The following CSMD1 variants were observed in gnomAD, a reference collection of about 807,000 sequenced individuals.
CSMD1 encodes CUB and Sushi multiple domains 1, also known as CUB and sushi domain-containing protein 1.
In CSMD1, 213 loss-of-function variants were observed where a neutral mutation model predicts 417.5. The ratio of observed to expected loss-of-function variants is 0.51; its 90% confidence interval spans 0.46 to 0.57. The LOEUF (loss-of-function observed/expected upper bound fraction) is 0.57, where lower values mean the gene tolerates loss of function less well. Among genes scored for constraint, CSMD1 ranks in the 20% least tolerant of loss-of-function variants. The probability of loss-of-function intolerance (pLI) is 0.00; values close to 1 mark genes in which losing one functional copy is unlikely to be tolerated. For synonymous variants in CSMD1, 2,862 were observed against 1,736.8 expected, an observed-to-expected ratio of 1.65 and a Z score of -16.11; for missense variants, 6,923 against 4,529.7, an observed-to-expected ratio of 1.53 and a Z score of -15.17.
chr8:3,591,229 A>C (rs1190181538), intron 8 of CSMD1, among the ~76,000 whole-genome samples: 1 of 152,178 alleles, frequency 6.6e-6, no homozygotes, highest in Non-Finnish European at 1.5e-5. Context: ...AAAGCAGCAA[A>C]ATTTTGACTT....
chr8:3,477,281 C>T (rs1817487688), intron 11 of CSMD1, among the ~76,000 whole-genome samples: 1 of 152,134 alleles, frequency 6.6e-6, no homozygotes, highest in Non-Finnish European at 1.5e-5. Flanking sequence ...CTTTAATATA[C>T]TCATTACAGT....
At chr8:4,265,240 AT>A (rs1804166811) in intron 3 of CSMD1, among the ~76,000 whole-genome samples, 2 of 152,128 alleles carry the variant, frequency 1.3e-5, no homozygotes, top group South Asian at 4.1e-4. Flanking sequence ...GTATTCATAT[AT>A]TTTATGCTAT....
At chr8:3,516,041 C>T (rs1797268919) in intron 10 of CSMD1, among the ~76,000 whole-genome samples, 1 of 152,134 alleles carries the variant, frequency 6.6e-6, no homozygotes, top group African/African-American at 2.4e-5. Context: ...GGAGATGATC[C>T]TATTAGAACT....
intron 1 of CSMD1, among the ~76,000 whole-genome samples, chr8:4,963,174 G>A (rs779655417): frequency 6.6e-6 from 1 of 152,074 alleles, no homozygotes; most frequent in East Asian, 1.9e-4. Context: ...TAAATCAGCT[G>A]TAATCCCTTC....
At chr8:4,082,218 C>A (rs1042581835) in intron 3 of CSMD1, among the ~76,000 whole-genome samples, 1 of 152,006 alleles carries the variant, frequency 6.6e-6, no homozygotes. Context: ...AAAATTATGA[C>A]CACACAGGTA....
chr8:4,943,254 G>C (rs964542311), intron 1 of CSMD1, among the ~76,000 whole-genome samples: 2 of 152,014 alleles, frequency 1.3e-5, no homozygotes, highest in African/African-American at 2.4e-5. Context: ...CCAGCACTTT[G>C]GGCGGCCCAG....
At chr8:3,142,252 A>C (rs980414131) in intron 41 of CSMD1, among the ~76,000 whole-genome samples, 1 of 152,196 alleles carries the variant, frequency 6.6e-6, no homozygotes, top group Non-Finnish European at 1.5e-5. Flanking sequence ...TGGGCAGCAG[A>C]AAAGGCGAAC....
At chr8:3,035,346 G>C (rs1810606140) in intron 50 of CSMD1, among the ~76,000 whole-genome samples, 4 of 152,094 alleles carry the variant, frequency 2.6e-5, no homozygotes, top group Admixed American at 2.0e-4. Context: ...ACGACACTGA[G>C]ACAGAAAAGG....
At chr8:4,447,101 G>C (rs767658457) in intron 2 of CSMD1, among the ~76,000 whole-genome samples, 1 of 151,990 alleles carries the variant, frequency 6.6e-6, no homozygotes, top group East Asian at 1.9e-4. Context: ...TTTGGGAAAA[G>C]GTACTTACTT....
intron 3 of CSMD1, among the ~76,000 whole-genome samples, chr8:4,063,374 T>C (rs144487574): frequency 0.01 from 1,563 of 152,232 alleles, 25 homozygotes; most frequent in African/African-American, 0.029. Flanking sequence ...AAAATTTAAA[T>C]ATCAGACAAG....
At chr8:4,456,329 A>C (rs1241321910) in intron 2 of CSMD1, among the ~76,000 whole-genome samples, 2 of 152,232 alleles carry the variant, frequency 1.3e-5, no homozygotes, top group Admixed American at 6.5e-5. Context: ...TAAAAAAATT[A>C]GTCATAGAGC....
intron 2 of CSMD1, among the ~76,000 whole-genome samples, chr8:4,480,100 G>C (rs752332095): frequency 6.6e-6 from 1 of 150,834 alleles, no homozygotes; most frequent in Non-Finnish European, 1.5e-5. Context: ...ACCATGACCA[G>C]TTAAAAGGAA....
intron 12 of CSMD1, among the ~76,000 whole-genome samples, chr8:3,436,751 T>C (rs995414326): frequency 1.3e-5 from 2 of 152,202 alleles, no homozygotes; most frequent in Non-Finnish European, 2.9e-5. Flanking sequence ...AATGAGCATT[T>C]TTAGGAGTAA....
chr8:3,551,578 G>A (rs1197470957), intron 10 of CSMD1, among the ~76,000 whole-genome samples: 1 of 117,694 alleles, frequency 8.5e-6, no homozygotes, highest in South Asian at 2.8e-4. Flanking sequence ...TAATAAATAT[G>A]TATATATATA....
chr8:4,502,889 A>C (rs2130293043), intron 2 of CSMD1, among the ~76,000 whole-genome samples: 1 of 152,280 alleles, frequency 6.6e-6, no homozygotes, highest in Non-Finnish European at 1.5e-5. Flanking sequence ...ATTGAAAAAC[A>C]GATCAACCAA....
chr8:3,283,995 C>T, intron 26 of CSMD1, 149 bp downstream of exon 26: 1 of 736,024 alleles, frequency 1.4e-6, no homozygotes, highest in Non-Finnish European at 2.3e-6. Context: ...GAGAACTCTT[C>T]TCTGCAACAT....
chr8:4,968,150 A>G (rs765400687), intron 1 of CSMD1, among the ~76,000 whole-genome samples: 30 of 152,172 alleles, frequency 2.0e-4, no homozygotes, highest in Non-Finnish European at 4.0e-4. Context: ...CAAAAATACA[A>G]ATGCCATACT....
Position 3,747,004 on chromosome 8 carries a change from T to C in CSMD1, c.931+6926A>G, listed in dbSNP as rs560136947. On this transcript the variant is annotated intron_variant, in intron 6 of 69. Transcript: ENST00000635120. ...CAGCTATCCGAAAAAGTTCCTCCTT[T>C]CATTAGGAATTTTATTTCATAAAAA... 2.0e-5 allele frequency among the ~76,000 whole-genome samples: 3 copies of C among 152,312 alleles called. No individual in the cohort carries two copies. In the East Asian group the frequency reaches 5.8e-4, roughly 29 times the overall value.
intron 12 of CSMD1, among the ~76,000 whole-genome samples, chr8:3,423,014 G>A (rs117060100): frequency 1.1e-4 from 16 of 152,294 alleles, no homozygotes; most frequent in Admixed American, 5.9e-4. Flanking sequence ...AATTTTACAG[G>A]AGACACCTTC....
Sources: allele counts gnomAD v4.1 joint callset (sites outside exome capture counted in the v4.1 genomes callset), GRCh38; gene constraint gnomAD v4.1.1; transcripts MANE v1.5; gene names NCBI Gene and HGNC (gene_info 2026-07-23, HGNC 2026-07-21).